CBLB: variants seen among roughly 807,000 people sequenced by gnomAD.
CBLB encodes Cbl proto-oncogene B.
Under a neutral mutation model 104.9 loss-of-function variants are expected in CBLB, and 31 were observed. The ratio of observed to expected loss-of-function variants is 0.30; its 90% confidence interval spans 0.22 to 0.40. CBLB has a LOEUF of 0.40. Among genes scored for constraint, CBLB ranks in the 10% least tolerant of loss-of-function variants. The pLI is 1.00. For synonymous variants in CBLB, 440 were observed against 422.6 expected (o/e 1.04, Z -0.51); for missense variants, 1,062 against 1,214.6 (o/e 0.87, Z 1.87).
At chr3:105,772,604 T>TG (rs2152956156) in intron 4 of CBLB, among the ~76,000 whole-genome samples, 1 of 152,290 alleles carries the variant, frequency 6.6e-6, no homozygotes, top group East Asian at 1.9e-4. Context: ...AGAACATACT[T>TG]GCAAACTATG....
chr3:105,694,093 G>A (rs1021463497), intron 12 of CBLB, among the ~76,000 whole-genome samples: 1 of 151,788 alleles, frequency 6.6e-6, no homozygotes, highest in South Asian at 2.1e-4. Flanking sequence ...TTCTTTCATG[G>A]TTGAAGCTTC....
intron 16 of CBLB, among the ~76,000 whole-genome samples, chr3:105,680,215 CA>C (rs2066146213): frequency 6.6e-6 from 1 of 152,108 alleles, no homozygotes; most frequent in African/African-American, 2.4e-5. Context: ...AAAATTTATT[CA>C]TCAAATGCAA....
At chr3:105,774,058 T>C (rs1225194093) in intron 4 of CBLB, among the ~76,000 whole-genome samples, 1 of 152,238 alleles carries the variant, frequency 6.6e-6, no homozygotes, top group African/African-American at 2.4e-5. Flanking sequence ...TATTAAGAAG[T>C]AGGACCTTCA....
intron 3 of CBLB, among the ~76,000 whole-genome samples, chr3:105,812,499 T>TA (rs2084441492): frequency 6.6e-6 from 1 of 152,176 alleles, no homozygotes; most frequent in South Asian, 2.1e-4. Flanking sequence ...CTGAGGAAGA[T>TA]ACGATCTAAA....
At chr3:105,754,529 G>GAGAGACAGAC (rs1553767698) in intron 4 of CBLB, among the ~76,000 whole-genome samples, 1 of 84,610 alleles carries the variant, frequency 1.2e-5, no homozygotes, top group Admixed American at 1.4e-4. Flanking sequence ...GAGACAGAGA[G>GAGAGACAGAC]AGAGAGAGAG....
chr3:105,770,288 TC>T lies in CBLB; in HGVS notation c.566+6107del, dbSNP rs142175330. 2.8e-3 allele frequency among the ~76,000 whole-genome samples: 421 copies of T among 152,232 alleles called. 3 individuals are homozygous for T. The highest frequency in any genetic ancestry group is 9.9e-3 in the African/African-American group (410 of 41,548). On this transcript the variant is annotated intron_variant, in intron 4 of 18. Transcript: ENST00000394030. ...GTGAGACAGGTGAAAAACTCCTAAG[TC>T]CTCAGAGTGCGAGAGGGGAAGAGTC...
At chr3:105,735,135 A>G (rs1042068770) in intron 8 of CBLB, among the ~76,000 whole-genome samples, 1 of 152,236 alleles carries the variant, frequency 6.6e-6, no homozygotes, top group Non-Finnish European at 1.5e-5. Context: ...TTTAGTCCAC[A>G]GACTACTAAA....
At chr3:105,725,834 A>G (rs2073538652) in intron 9 of CBLB, among the ~76,000 whole-genome samples, 1 of 151,756 alleles carries the variant, frequency 6.6e-6, no homozygotes, top group South Asian at 2.1e-4. Context: ...AGAGTAAAAC[A>G]TTTATTTTAT....
chr3:105,861,688 CACACACACACACACACACATACAT>C (rs1205716025), intron 2 of CBLB, among the ~76,000 whole-genome samples: 4 of 148,274 alleles, frequency 2.7e-5, no homozygotes, highest in African/African-American at 5.2e-5. Flanking sequence ...CACACATACA[CACACACACACACACACACATACAT>C]ACACACACAC....
rs1216792994 is a variant in CBLB at position 105,782,563 on chromosome 3, G to A, written c.420-6021C>T. ...TTGGGCATTCTTTGATCTCTCTGTA[G>A]TATTCTTTTCTTTTCTTTTTTTTTT... is the stretch of plus-strand genomic sequence containing the variant. On this transcript the variant is annotated intron_variant, in intron 3 of 18. Transcript: ENST00000394030. Among the ~76,000 whole-genome samples, 4 of 148,948 alleles carry A rather than the reference G, an allele frequency of 2.7e-5. No individual in the cohort carries two copies. In the South Asian group the frequency reaches 6.4e-4, roughly 24 times the overall value.
At chr3:105,808,356 T>G (rs1018978516) in intron 3 of CBLB, among the ~76,000 whole-genome samples, 1 of 152,198 alleles carries the variant, frequency 6.6e-6, no homozygotes, top group African/African-American at 2.4e-5. Context: ...AATATGTGTT[T>G]CTCTAAGGAC....
intron 3 of CBLB, among the ~76,000 whole-genome samples, chr3:105,811,646 G>T (rs977978590): frequency 6.6e-6 from 1 of 151,886 alleles, no homozygotes; most frequent in Non-Finnish European, 1.5e-5. Flanking sequence ...GAGACAGACA[G>T]ATTTCCCTAG....
intron 5 of CBLB, among the ~76,000 whole-genome samples, chr3:105,748,834 CCTT>C (rs1192225156): frequency 6.6e-6 from 1 of 152,118 alleles, no homozygotes; most frequent in Non-Finnish European, 1.5e-5. Flanking sequence ...CCCACTGGCT[CCTT>C]CTTCTGCTAG....
chr3:105,840,475 A>C (rs2089377829), intron 3 of CBLB, among the ~76,000 whole-genome samples: 1 of 152,222 alleles, frequency 6.6e-6, no homozygotes, highest in Non-Finnish European at 1.5e-5. Flanking sequence ...TCATTTTCAC[A>C]ACCATAAAAT....
chr3:105,823,710 A>C (rs1306986363), intron 3 of CBLB, among the ~76,000 whole-genome samples: 1 of 152,084 alleles, frequency 6.6e-6, no homozygotes, highest in African/African-American at 2.4e-5. Context: ...GAAAAAGAGG[A>C]GGCTTTTCTG....
intron 3 of CBLB, among the ~76,000 whole-genome samples, chr3:105,832,848 G>A (rs9826886): frequency 0.21 from 32,057 of 152,098 alleles, 3,580 homozygotes; most frequent in East Asian, 0.42. Context: ...TGAAGAAAAC[G>A]AAGAAACAGA....
chr3:105,759,741 G>T (rs2077433690), intron 4 of CBLB, among the ~76,000 whole-genome samples: 2 of 152,186 alleles, frequency 1.3e-5, no homozygotes, highest in Admixed American at 6.5e-5. Flanking sequence ...TTCCAAGCCT[G>T]CTGGGGTAGG....
chr3:105,839,589 T>C (rs2089224214), intron 3 of CBLB: 1 of 152,226 alleles, frequency 6.6e-6, no homozygotes, highest in Non-Finnish European at 1.5e-5. Flanking sequence ...TCAGCAAACA[T>C]TTGCAGTAAA....
chr3:105,671,620 A>C (rs1321271610), intron 17 of CBLB: 1 of 206,432 alleles, frequency 4.8e-6, no homozygotes, highest in Admixed American at 5.9e-5. Flanking sequence ...AATAATATGT[A>C]AGTATTTGAT....
Sources: gnomAD v4.1 joint callset for allele counts (sites outside exome capture counted in the v4.1 genomes callset) on GRCh38, gnomAD v4.1.1 for gene constraint, MANE v1.5 for transcripts, NCBI Gene and HGNC (gene_info 2026-07-23, HGNC 2026-07-21) for gene names.